The following LYST variants were observed in gnomAD, a reference collection of about 807,000 sequenced individuals.
LYST encodes lysosomal trafficking regulator.
In LYST, 192 loss-of-function variants were observed where a neutral mutation model predicts 413.6. The ratio of observed to expected loss-of-function variants is 0.46; its 90% CI spans 0.41 to 0.52. The LOEUF (loss-of-function observed/expected upper bound fraction) is 0.52. Among genes scored for constraint, LYST ranks in the 20% least tolerant of loss-of-function variants. The pLI, the probability that LYST is intolerant of heterozygous loss-of-function variation, is 0.00. For synonymous variants in LYST, 1,525 were observed against 1,567.3 expected, an observed-to-expected ratio of 0.97 and a Z score of 0.64; for missense variants, 3,815 against 4,499.9, an observed-to-expected ratio of 0.85 and a Z score of 4.35.
chr1:235,746,323 C>T lies in LYST; in HGVS notation c.7972+13G>A, dbSNP rs1665923075. ...AAAATCTGAGGAAAAACAAACTAAT[C>T]CTATAGTCTTACCTTGATAAATAAT... is the stretch of plus-strand genomic sequence containing the variant. On this transcript the variant is annotated intron_variant, in intron 29 of 52. Coordinates refer to ENST00000389793, the MANE Select transcript of LYST (RefSeq NM_000081.4). 5.0e-6 allele frequency: 8 copies of T among 1,608,494 alleles called. No individual in the cohort carries two copies. The highest frequency in any genetic ancestry group is 6.8e-6 in the Non-Finnish European group (8 of 1,175,164).
chr1:235,697,406 C>T (rs1033969923), intron 45 of LYST, 134 bp from the exon 46 acceptor site: 22 of 675,108 alleles, frequency 3.3e-5, no homozygotes, highest in African/African-American at 7.3e-5. Context: ...AATTATTTTA[C>T]GCATTTTTTT....
Position 235,766,104 on chromosome 1 carries a change from C to A in LYST, c.6096G>T (p.Thr2032=), listed in dbSNP as rs376038014. 1.9e-6 allele frequency: 3 copies of A among 1,613,010 alleles called. No homozygotes were observed. In the African/African-American group the frequency reaches 4.0e-5, roughly 22 times the overall value. ...PTNTYVCHNP[T]NFYFSLHIDG... is the part of the protein sequence containing the mutation. Reference sequence around the variant, plus strand: ...CTATGTGCAAAGAAAAGTAGAAGTTCGTGGGATTGTGACAAACGTAAGTAT... The same window carrying A: ...CTATGTGCAAAGAAAAGTAGAAGTTAGTGGGATTGTGACAAACGTAAGTAT... The change falls in exon 21 of 53, where the codon ACG becomes ACT. Residue 2032 remains threonine, a synonymous_variant. Transcript: ENST00000389793.
At chr1:235,806,993 T>C (rs891589756) in intron 5 of LYST, among the ~76,000 whole-genome samples, 4 of 152,208 alleles carry the variant, frequency 2.6e-5, no homozygotes, top group African/African-American at 9.6e-5. Context: ...TTTGTATATA[T>C]GGCTCCAGCA....
At chr1:235,870,830 T>A (rs973572317), upstream of LYST, among the ~76,000 whole-genome samples, 5 of 152,216 alleles carry the variant, frequency 3.3e-5, no homozygotes, top group African/African-American at 1.2e-4. Context: ...TAAGAAAATT[T>A]TGTTGAAAAT....
rs764879928 is a variant in LYST, at chr1:235,724,120, C to T, written c.9223G>A (p.Val3075Ile). ...CTCAATTGCCACCAACGCTTGTGAA[C>T]TTCTTTAATTTCTTCATATGTCCAG... is the stretch of plus-strand genomic sequence containing the variant. ...FSWTYEEIKE[V>I]HKRWWQLRDN... Residue 3075 changes from valine (V) to isoleucine (I), a missense_variant, in exon 39 of 53, where the codon GTT (valine) becomes ATT (isoleucine). By Grantham distance (29) the Val-to-Ile change is conservative (BLOSUM62 3). This residue lies in a region of LYST where 866 missense variants were observed against 1,156.0 expected (regional missense o/e 0.75). Transcript: ENST00000389793. The T allele has an allele frequency of 1.1e-5, 18 of 1,613,590 alleles. No homozygotes were observed. The highest frequency in any genetic ancestry group is 1.5e-5 in the Non-Finnish European group (18 of 1,179,680).
At chr1:235,722,157 A>T (rs1363316641) in intron 39 of LYST, among the ~76,000 whole-genome samples, 1 of 152,218 alleles carries the variant, frequency 6.6e-6, no homozygotes, top group East Asian at 1.9e-4. Context: ...CATTCAAGGC[A>T]TGGATGGAGT....
At chr1:235,676,281 G>C (rs1659371522) in intron 50 of LYST, among the ~76,000 whole-genome samples, 2 of 152,178 alleles carry the variant, frequency 1.3e-5, no homozygotes, top group Admixed American at 1.3e-4. Flanking sequence ...CATTTAGTCA[G>C]GAGTGTTAAA....
At chr1:235,780,007 G>A (rs372499435) in intron 16 of LYST, among the ~76,000 whole-genome samples, 13 of 152,122 alleles carry the variant, frequency 8.5e-5, no homozygotes, top group African/African-American at 3.1e-4. Flanking sequence ...ATTATATACT[G>A]GTAGAACAAA....
At chr1:235,830,875 A>G (rs1675898859) in intron 2 of LYST, among the ~76,000 whole-genome samples, 1 of 152,234 alleles carries the variant, frequency 6.6e-6, no homozygotes, top group African/African-American at 2.4e-5. Flanking sequence ...AGTTCAGTTA[A>G]TAAAAAGGAT....
intron 50 of LYST, among the ~76,000 whole-genome samples, chr1:235,675,379 C>T (rs936285496): frequency 1.3e-5 from 2 of 152,156 alleles, no homozygotes; most frequent in Admixed American, 1.3e-4. Context: ...AGTCTGACTC[C>T]AGCCAATGGC....
Position 235,808,989 on chromosome 1 carries a change from T to A in LYST, c.1829A>T (p.His610Leu), listed in dbSNP as rs145298434. The part of the protein sequence containing the change: ...KLPALKNFQQ[H>L]ILNILNKLIL... The stretch of plus-strand genomic sequence containing the variant: ...AAGTTTGTTAAGGATATTCAATATA[T>A]GCTGCTGAAAATTTTTCAGTGCTGG... Residue 610 changes from histidine to leucine, a missense_variant, in exon 5 of 53, where the codon CAT (histidine) becomes CTT (leucine). His to Leu is a moderately conservative substitution (Grantham distance 99, BLOSUM62 -3). Around this residue, in one of 4 missense-constraint regions of LYST, gnomAD observed 1,648 missense variants for 1,810.3 expected, o/e 0.91. Coordinates refer to ENST00000389793, the MANE Select transcript of LYST (RefSeq NM_000081.4). The A allele has an allele frequency of 2.1e-4, 331 of 1,614,010 alleles. No homozygotes were observed. The highest frequency in any genetic ancestry group is 1.6e-4 in the Non-Finnish European group (186 of 1,179,984).
chr1:235,828,911 A>C (rs1236023316), intron 3 of LYST: 54 of 911,080 alleles, frequency 5.9e-5, no homozygotes, highest in Non-Finnish European at 7.0e-5. Context: ...AAGAATAAAA[A>C]TACATAAACT....
At chr1:235,783,905 G>A (rs1670136242) in intron 14 of LYST, among the ~76,000 whole-genome samples, 1 of 151,002 alleles carries the variant, frequency 6.6e-6, no homozygotes, top group South Asian at 2.1e-4. Flanking sequence ...ATTGAGACAG[G>A]GTCTCGCTCT....
At chr1:235,670,932 G>T (rs1269504596) in intron 50 of LYST, among the ~76,000 whole-genome samples, 1 of 152,128 alleles carries the variant, frequency 6.6e-6, no homozygotes, top group African/African-American at 2.4e-5. Flanking sequence ...ACTACAAAGA[G>T]CAAAGCAGAT....
chr1:235,709,026 A>G, intron 44 of LYST, 65 bp downstream of exon 44: 2 of 1,439,364 alleles, frequency 1.4e-6, no homozygotes, highest in Non-Finnish European at 2.0e-6. Context: ...TGGCCGAACA[A>G]CTAACCTTAA....
chr1:235,736,081 A>G (rs1007343198), intron 31 of LYST: 5 of 152,270 alleles, frequency 3.3e-5, no homozygotes, highest in African/African-American at 1.2e-4. Context: ...ATCAAAGGAA[A>G]CACATGATTT....
chr1:235,695,688 A>G (rs1032713699), intron 46 of LYST, among the ~76,000 whole-genome samples: 4 of 137,524 alleles, frequency 2.9e-5, no homozygotes, highest in Non-Finnish European at 4.5e-5. Flanking sequence ...GCTGGAGTGC[A>G]ATGGTGCGAT....
At chr1:235,742,391 G>A (rs1464308071) in intron 30 of LYST, among the ~76,000 whole-genome samples, 1 of 151,584 alleles carries the variant, frequency 6.6e-6, no homozygotes, top group African/African-American at 2.4e-5. Context: ...GGAGGTGGAG[G>A]CTGCAGTGAG....
intron 3 of LYST, among the ~76,000 whole-genome samples, chr1:235,822,146 C>T (rs757070479): frequency 2.0e-5 from 3 of 152,136 alleles, no homozygotes; most frequent in Non-Finnish European, 4.4e-5. Flanking sequence ...TGAAAAAAGG[C>T]CTCTGGGCGC....
Sources: allele counts gnomAD v4.1 joint callset (sites outside exome capture counted in the v4.1 genomes callset), GRCh38; gene constraint gnomAD v4.1.1; regional missense constraint gnomAD v4.1.1; transcripts MANE v1.5; gene names NCBI Gene and HGNC (gene_info 2026-07-23, HGNC 2026-07-21).